PTPRD: variants seen among roughly 807,000 people sequenced by gnomAD.
The protein encoded by PTPRD is receptor-type tyrosine-protein phosphatase delta.
PTPRD carries 34 observed loss-of-function variants against 214.5 expected under a neutral mutation model. The observed-to-expected ratio is 0.16, with a 90% CI of 0.12 to 0.21. PTPRD has a LOEUF of 0.21. Ranked by LOEUF, PTPRD falls within the 10% of genes least tolerant of loss-of-function variation. The pLI, the probability that PTPRD is intolerant of heterozygous loss-of-function variation, is 1.00. For synonymous variants in PTPRD, 1,128 were observed against 845.7 expected (o/e 1.33, Z -5.79); for missense variants, 2,545 against 2,398.7 (o/e 1.06, Z -1.27).
intron 2 of PTPRD, among the ~76,000 whole-genome samples, chr9:10,571,946 T>A (rs2067583240): frequency 6.6e-6 from 1 of 152,116 alleles, no homozygotes; most frequent in Non-Finnish European, 1.5e-5. Context: ...TCCTAACAGG[T>A]CACAGAACAG....
chr9:8,503,178 T>G (rs1035438733), intron 23 of PTPRD, among the ~76,000 whole-genome samples: 1 of 152,054 alleles, frequency 6.6e-6, no homozygotes, highest in Non-Finnish European at 1.5e-5. Context: ...CAAAAAACCC[T>G]GAAAGTTTTC....
chr9:9,943,936 A>G (rs1281314820), intron 4 of PTPRD, among the ~76,000 whole-genome samples: 1 of 152,144 alleles, frequency 6.6e-6, no homozygotes, highest in East Asian at 1.9e-4. Context: ...GTCTCACTAA[A>G]TATATCTTCC....
intron 3 of PTPRD, among the ~76,000 whole-genome samples, chr9:10,250,192 G>A (rs1360518801): frequency 2.6e-5 from 4 of 152,006 alleles, no homozygotes; most frequent in African/African-American, 4.8e-5. Flanking sequence ...TTTAGGAGGC[G>A]GGAAATGAAG....
intron 39 of PTPRD, among the ~76,000 whole-genome samples, chr9:8,348,193 T>C (rs945513415): frequency 6.6e-6 from 1 of 152,312 alleles, no homozygotes; most frequent in African/African-American, 2.4e-5. Flanking sequence ...ATTAAACTTA[T>C]AACCACATCA....
intron 5 of PTPRD, among the ~76,000 whole-genome samples, chr9:9,883,182 G>A (rs1174912926): frequency 1.3e-5 from 2 of 152,062 alleles, no homozygotes; most frequent in Non-Finnish European, 2.9e-5. Flanking sequence ...ATCCTTGAAG[G>A]TGCTTATACT....
chr9:8,321,519 ATATAT>A (rs1828045688), intron 44 of PTPRD, among the ~76,000 whole-genome samples: 2 of 132,474 alleles, frequency 1.5e-5, no homozygotes, highest in Non-Finnish European at 3.2e-5. Context: ...ATATATATAT[ATATAT>A]ATAAAAGGTA....
At chr9:10,384,609 T>A (rs1390645818) in intron 2 of PTPRD, among the ~76,000 whole-genome samples, 1 of 151,494 alleles carries the variant, frequency 6.6e-6, no homozygotes, top group Non-Finnish European at 1.5e-5. Context: ...ACAAAACTTG[T>A]GAAAAAATAA....
intron 4 of PTPRD, among the ~76,000 whole-genome samples, chr9:9,939,837 G>C (rs928194704): frequency 5.9e-5 from 9 of 152,156 alleles, no homozygotes; most frequent in Middle Eastern, 3.2e-3. Flanking sequence ...ATTGCTTAAT[G>C]TAAATCAAAC....
intron 35 of PTPRD, among the ~76,000 whole-genome samples, chr9:8,434,634 T>A (rs2095266308): frequency 6.6e-6 from 1 of 152,032 alleles, no homozygotes; most frequent in Admixed American, 6.6e-5. Flanking sequence ...TAACTTATAA[T>A]CAAAAATAAA....
rs75599084 is a variant in PTPRD, at chr9:10,103,623, G to A, written c.-544-69833C>T. Among the ~76,000 whole-genome samples, 520 of 151,296 alleles carry A rather than the reference G, an allele frequency of 3.4e-3. 24 individuals are homozygous for A. In the East Asian group the frequency reaches 0.082, roughly 24 times the overall value. ...GTCTTAGGTTTCATTTTGAGACTCAGTGTGAAGGTCTGAGGGTTCATTGTC... is the reference window on the plus strand; with the variant it reads ...GTCTTAGGTTTCATTTTGAGACTCAATGTGAAGGTCTGAGGGTTCATTGTC... On this transcript the variant is annotated intron_variant, in intron 3 of 45. Transcript: ENST00000381196.
intron 10 of PTPRD, among the ~76,000 whole-genome samples, chr9:9,123,195 G>A (rs2099819254): frequency 6.6e-6 from 1 of 152,164 alleles, no homozygotes; most frequent in African/African-American, 2.4e-5. Flanking sequence ...TTTAGGGTCA[G>A]TCATGCAGTC....
chr9:10,209,907 T>G (rs572101264), intron 3 of PTPRD, among the ~76,000 whole-genome samples: 5 of 152,178 alleles, frequency 3.3e-5, no homozygotes, highest in African/African-American at 1.2e-4. Flanking sequence ...CTGGTGCTTT[T>G]GTTTTGATTA....
At chr9:10,593,447 T>A (rs2075972650) in intron 2 of PTPRD, among the ~76,000 whole-genome samples, 1 of 152,072 alleles carries the variant, frequency 6.6e-6, no homozygotes, top group Non-Finnish European at 1.5e-5. Context: ...GGGAACTCAG[T>A]CATAAATATT....
At chr9:9,489,425 T>G (rs1369710983) in intron 8 of PTPRD, among the ~76,000 whole-genome samples, 3 of 151,996 alleles carry the variant, frequency 2.0e-5, no homozygotes, top group Non-Finnish European at 4.4e-5. Flanking sequence ...AAATAAACTG[T>G]CCCTGACAAA....
intron 10 of PTPRD, among the ~76,000 whole-genome samples, chr9:9,022,791 G>T (rs1417911783): frequency 1.3e-5 from 2 of 152,146 alleles, no homozygotes; most frequent in Non-Finnish European, 2.9e-5. Flanking sequence ...TTTGCTGAAA[G>T]TAGCTGCAAA....
intron 9 of PTPRD, among the ~76,000 whole-genome samples, chr9:9,313,188 T>C (rs996313683): frequency 5.3e-5 from 8 of 152,146 alleles, no homozygotes; most frequent in African/African-American, 1.9e-4. Flanking sequence ...GTGTCATAAG[T>C]TGCAGTTTCC....
chr9:10,094,542 T>TC (rs200294961), intron 3 of PTPRD, among the ~76,000 whole-genome samples: 4,576 of 145,882 alleles, frequency 0.031, 97 homozygotes, highest in Admixed American at 0.079. Context: ...TTTCTTTCTT[T>TC]TTTTTTTTTT....
intron 3 of PTPRD, among the ~76,000 whole-genome samples, chr9:10,187,514 T>C (rs757262540): frequency 4.6e-5 from 7 of 152,246 alleles, no homozygotes; most frequent in Non-Finnish European, 8.8e-5. Flanking sequence ...ATCTATTTAC[T>C]GAGAGCTTTG....
At chr9:9,795,635 A>G (rs952066205) in intron 5 of PTPRD, among the ~76,000 whole-genome samples, 1 of 152,140 alleles carries the variant, frequency 6.6e-6, no homozygotes, top group African/African-American at 2.4e-5. Flanking sequence ...CCTTTTTCTT[A>G]TTTTTGATGG....
Sources: allele counts gnomAD v4.1 joint callset (sites outside exome capture counted in the v4.1 genomes callset), GRCh38; gene constraint gnomAD v4.1.1; transcripts MANE v1.5; gene names NCBI Gene and HGNC (gene_info 2026-07-23, HGNC 2026-07-21).